The following DENND10 variants were observed in gnomAD, a reference collection of about 807,000 sequenced individuals.
DENND10 encodes the protein DENN domain-containing protein 10.
Under a neutral mutation model 43.6 loss-of-function variants are expected in DENND10, and 24 were observed. That is an observed-to-expected ratio of 0.55 (90% CI 0.40 to 0.77). The LOEUF (loss-of-function observed/expected upper bound fraction) is 0.77. DENND10 is among the 30% of genes least tolerant of loss of function. DENND10 has a pLI of 0.00. For synonymous variants in DENND10, 125 were observed against 157.6 expected (o/e 0.79, Z 1.55); for missense variants, 303 against 429.9 (o/e 0.70, Z 2.61).
chr10:119,105,374 A>C (rs985833299), intron 1 of DENND10: 1 of 194,086 alleles, frequency 5.2e-6, no homozygotes, highest in Admixed American at 5.9e-5. Context: ...TGCAGCCTCC[A>C]CCTCCCAGGC....
intron 7 of DENND10, among the ~76,000 whole-genome samples, chr10:119,131,430 C>T (rs10886397): frequency 0.53 from 80,242 of 151,944 alleles, 21,681 homozygotes; most frequent in Middle Eastern, 0.66. Context: ...TGCACTCCAG[C>T]CTGGGTGACA....
At chr10:119,131,237 T>C (rs1311492516) in intron 7 of DENND10, among the ~76,000 whole-genome samples, 2 of 152,134 alleles carry the variant, frequency 1.3e-5, no homozygotes, top group Non-Finnish European at 2.9e-5. Flanking sequence ...GGCGGGTGGA[T>C]CACGAGGTCA....
chr10:119,105,488 T>C, intron 1 of DENND10: 1 of 1,165,258 alleles, frequency 8.6e-7, no homozygotes, highest in South Asian at 1.5e-5. Context: ...TACCGACATG[T>C]TGTCCAGGTG....
At chr10:119,135,186 AAG>A (rs1367034306) in intron 8 of DENND10, 2 of 149,574 alleles carry the variant, frequency 1.3e-5, no homozygotes, top group African/African-American at 4.9e-5. Context: ...AAAAAAAAAA[AAG>A]AAAAAGAAAA....
At chr10:119,122,350 CCTTT>C (rs1845616905) in intron 5 of DENND10, among the ~76,000 whole-genome samples, 1 of 152,084 alleles carries the variant, frequency 6.6e-6, no homozygotes, top group Non-Finnish European at 1.5e-5. Flanking sequence ...AGCCTGTGTT[CCTTT>C]ATCTGTAAAA....
chr10:119,115,950 G>A (rs188603480), intron 3 of DENND10, among the ~76,000 whole-genome samples: 1 of 151,862 alleles, frequency 6.6e-6, no homozygotes, highest in East Asian at 1.9e-4. Flanking sequence ...TTTTAGTAGA[G>A]ACAGCGTTTC....
chr10:119,127,976 G>A (rs1409809833), intron 6 of DENND10, among the ~76,000 whole-genome samples: 2 of 151,816 alleles, frequency 1.3e-5, no homozygotes, highest in Non-Finnish European at 2.9e-5. Context: ...CTCTAGGAAT[G>A]ATAAATTGGT....
At chr10:119,117,400 A>C in intron 3 of DENND10, 119 bp from the exon 4 acceptor site, 1 of 1,013,780 alleles carries the variant, frequency 9.9e-7, no homozygotes, top group Non-Finnish European at 1.5e-6. Context: ...AAGCATTCAG[A>C]AGGGCAGTAG....
chr10:119,118,529 C>A (rs1166758159), intron 4 of DENND10, among the ~76,000 whole-genome samples: 1 of 152,188 alleles, frequency 6.6e-6, no homozygotes, highest in Admixed American at 6.5e-5. Flanking sequence ...TCTGTCATGT[C>A]CTCCCATGGT....
chr10:119,119,815 T>C (rs1205370505), intron 4 of DENND10, among the ~76,000 whole-genome samples: 1 of 152,004 alleles, frequency 6.6e-6, no homozygotes, highest in African/African-American at 2.4e-5. Context: ...TGAGTCTAGC[T>C]TCCTCTATGC....
intron 1 of DENND10, chr10:119,105,370 C>T (rs114452825): frequency 0.014 from 2,697 of 193,098 alleles, 71 homozygotes; most frequent in African/African-American, 0.061. Flanking sequence ...TCTCTGCAGC[C>T]TCCACCTCCC....
At chr10:119,135,674 TGGGTA>T (rs1846296595) in intron 8 of DENND10, among the ~76,000 whole-genome samples, 2 of 151,268 alleles carry the variant, frequency 1.3e-5, no homozygotes. Flanking sequence ...TATTGTGTAA[TGGGTA>T]GAGTTTCTGT....
rs1589706625 is a variant in DENND10, at chr10:119,104,136, G to A, written c.-7G>A. ...GCAGCCAGAGCTGCGCGCCGCGGCG[G>A]CGGAAGATGGCTGCGGCCGAGGTGG... On this transcript the variant is annotated 5_prime_UTR_variant, in exon 1 of 9. Transcript: ENST00000361432. The A allele has an allele frequency of 2.6e-6, 4 of 1,509,882 alleles. No homozygotes were observed. Among genetic ancestry groups the A allele is most frequent in the South Asian group, 1.3e-5 (1 of 79,860 alleles). The allele number at this position is 1,509,882 out of a possible 1,614,324, so 93.5% of individuals were successfully genotyped here.
intron 2 of DENND10, among the ~76,000 whole-genome samples, 200 bp downstream of exon 2, chr10:119,108,364 TC>T (rs1844800476): frequency 6.6e-6 from 1 of 151,392 alleles, no homozygotes; most frequent in Non-Finnish European, 1.5e-5. Context: ...ACGCCTGTAG[TC>T]CCAGCTACTC....
In DENND10 at chr10:119,112,857, T is replaced by C. The variant is rs138320433; in HGVS notation, c.332+929T>C. 7.1e-3 allele frequency among the ~76,000 whole-genome samples: 1,019 copies of C among 143,802 alleles called. 10 individuals carry two copies. The highest frequency in any genetic ancestry group is 9.1e-3 in the Non-Finnish European group (604 of 66,110). 94.3% of individuals were successfully genotyped at this position (143,802 alleles called of 152,430 possible). ...CTTTTGCAGAGTTTTATTTATTATGTTTTTTTTTTTGAGACAGAGTCTCCC... is the reference window on the plus strand; with the variant it reads ...CTTTTGCAGAGTTTTATTTATTATGCTTTTTTTTTTGAGACAGAGTCTCCC... On this transcript the variant is annotated intron_variant, in intron 3 of 8. Transcript: ENST00000361432.
chr10:119,135,682 G>A (rs1454502361), intron 8 of DENND10, among the ~76,000 whole-genome samples: 2 of 149,704 alleles, frequency 1.3e-5, no homozygotes, highest in East Asian at 4.0e-4. Context: ...AATGGGTAGA[G>A]TTTCTGTTTG....
At chr10:119,104,449 C>T (rs1844585215) in intron 1 of DENND10, among the ~76,000 whole-genome samples, 1 of 151,298 alleles carries the variant, frequency 6.6e-6, no homozygotes, top group South Asian at 2.1e-4. Context: ...AGCCCGGGGA[C>T]CTCCAAGATT....
chr10:119,137,983 AACT>A (rs1292170353), exon 9 of DENND10: 3 of 167,084 alleles, frequency 1.8e-5, no homozygotes, highest in Non-Finnish European at 4.4e-5. Flanking sequence ...TTTGATATTC[AACT>A]ACTTTTAGGT....
chr10:119,119,646 C>T (rs552471449), intron 4 of DENND10, among the ~76,000 whole-genome samples: 72 of 152,144 alleles, frequency 4.7e-4, no homozygotes, highest in African/African-American at 1.3e-3. Context: ...AACTCCTGGG[C>T]TCAAGTGATC....
Sources: allele counts gnomAD v4.1 joint callset (sites outside exome capture counted in the v4.1 genomes callset), GRCh38; gene constraint gnomAD v4.1.1; transcripts MANE v1.5; gene names NCBI Gene and HGNC (gene_info 2026-07-23, HGNC 2026-07-21).